Variants in NOS1 observed in about 807,000 individuals in gnomAD.
NOS1 encodes the protein nitric oxide synthase 1.
A neutral mutation model predicts 164.5 loss-of-function variants in NOS1; 51 were observed. That is an observed-to-expected ratio of 0.31 (90% CI 0.25 to 0.39). The LOEUF is 0.39. NOS1 is among the 10% of genes least tolerant of loss of function. The pLI, the probability that NOS1 is intolerant of heterozygous loss-of-function variation, is 1.00. For missense variants in NOS1, 1,362 were observed against 1,885.6 expected (o/e 0.72, Z 5.14); for synonymous variants, 719 against 745.8 (o/e 0.96, Z 0.59).
intron 22 of NOS1, among the ~76,000 whole-genome samples, chr12:117,228,682 G>C (rs988567111): frequency 6.6e-6 from 1 of 152,198 alleles, no homozygotes; most frequent in African/African-American, 2.4e-5. Flanking sequence ...AGAAGGCTCA[G>C]TTTCTGAGAC....
At chr12:117,259,871 G>A (rs1164945055) in intron 14 of NOS1, among the ~76,000 whole-genome samples, 2 of 152,098 alleles carry the variant, frequency 1.3e-5, no homozygotes, top group Admixed American at 1.3e-4. Context: ...TGTAATCCCA[G>A]CACTTTGGGA....
At chr12:117,283,112 G>A (rs539200579) in intron 7 of NOS1, among the ~76,000 whole-genome samples, 1 of 147,652 alleles carries the variant, frequency 6.8e-6, no homozygotes, top group Middle Eastern at 3.6e-3. Flanking sequence ...GGAGTGTGGA[G>A]TGCAGTGGTG....
rs1373795836 is a variant in NOS1, at chr12:117,212,021, G to A, written c.*3288C>T. On this transcript the variant is annotated 3_prime_UTR_variant, in exon 29 of 29. Coordinates refer to ENST00000317775, the MANE Select transcript of NOS1 (RefSeq NM_000620.5). ...GCAGAGGATGCAGTGAGCTGAGATCGTACCACTGTACGCCAGCCTGGGTGA... is the reference window on the plus strand; with the variant it reads ...GCAGAGGATGCAGTGAGCTGAGATCATACCACTGTACGCCAGCCTGGGTGA... 12 of 848,924 alleles carry A rather than the reference G, an allele frequency of 1.4e-5. No homozygotes were observed. The highest frequency in any genetic ancestry group is 1.1e-4 in the African/African-American group (6 of 54,520). 52.6% of individuals were successfully genotyped at this position (848,924 alleles called of 1,614,324 possible).
At position 117,330,641 on chromosome 12, in the gene NOS1, T is replaced by G; in HGVS notation, c.429A>C (p.Lys143Asn). 1 of 1,611,770 alleles carries G rather than the reference T, an allele frequency of 6.2e-7. No individual in the cohort carries two copies. Among genetic ancestry groups the G allele is most frequent in the Non-Finnish European group, 8.5e-7 (1 of 1,178,402 alleles). The part of the protein sequence containing the change: ...VDLSHQPPAG[K>N]EQPLAVDGAS... ...CCCCATCCACTGCCAGGGGCTGTTC[T>G]TTGCCGGCCGGTGGCTGGTGGGACA... Residue 143 changes from lysine to asparagine, a missense_variant, in exon 2 of 29, where the codon AAA (lysine) becomes AAC (asparagine). Lys to Asn is a moderately conservative substitution (Grantham distance 94). Transcript: ENST00000317775. This position sits in a 1 kb window ranked among gnomAD's most constrained non-coding sequence, Gnocchi z 4.6.
chr12:117,356,518 C>T lies in NOS1; in HGVS notation c.-421+4994G>A, dbSNP rs17509231. Reference sequence around the variant, plus strand: ...GGTACAGGGTTTGTCTGGTGCTCACCGCTTAGCCAGACTACAGGTTTCATT... The same window carrying T: ...GGTACAGGGTTTGTCTGGTGCTCACTGCTTAGCCAGACTACAGGTTTCATT... On this transcript the variant is annotated intron_variant, in intron 1 of 28. Transcript: ENST00000317775. This position sits in a 1 kb window ranked among gnomAD's most constrained non-coding sequence, Gnocchi z 4.2. 0.11 allele frequency among the ~76,000 whole-genome samples: 17,008 copies of T among 152,276 alleles called. 1,038 individuals carry two copies. Among genetic ancestry groups the T allele is most frequent in the Non-Finnish European group, 0.13 (9,167 of 68,006 alleles).
chr12:117,299,968 C>T (rs1030098349), intron 3 of NOS1, among the ~76,000 whole-genome samples: 5 of 152,232 alleles, frequency 3.3e-5, no homozygotes, highest in African/African-American at 7.2e-5. Context: ...GTAATTATCT[C>T]GTGGCCTGCC....
At chr12:117,351,267 G>A (rs1876605167) in intron 1 of NOS1, among the ~76,000 whole-genome samples, 1 of 152,110 alleles carries the variant, frequency 6.6e-6, no homozygotes, top group Non-Finnish European at 1.5e-5. Context: ...AGTCTGGCAG[G>A]GTCTGCATTC....
At chr12:117,215,635 GT>G (rs1433861358) in intron 28 of NOS1, among the ~76,000 whole-genome samples, 1 of 152,004 alleles carries the variant, frequency 6.6e-6, no homozygotes, top group Non-Finnish European at 1.5e-5. Flanking sequence ...GTTTCACCAT[GT>G]TGGCCAGGCT....
At chr12:117,349,950 C>G (rs138856115) in intron 1 of NOS1, among the ~76,000 whole-genome samples, 1 of 152,148 alleles carries the variant, frequency 6.6e-6, no homozygotes, top group African/African-American at 2.4e-5. Flanking sequence ...GTCTTGAACT[C>G]CTGAGCTCAA....
At chr12:117,218,797 G>C (rs1044911351) in intron 27 of NOS1, among the ~76,000 whole-genome samples, 1 of 152,080 alleles carries the variant, frequency 6.6e-6, no homozygotes, top group African/African-American at 2.4e-5. Flanking sequence ...CAAGCTATGG[G>C]AGCTCCTGTG....
At chr12:117,351,277 C>A (rs1876605799) in intron 1 of NOS1, among the ~76,000 whole-genome samples, 1 of 152,124 alleles carries the variant, frequency 6.6e-6, no homozygotes, top group Non-Finnish European at 1.5e-5. Context: ...GGTCTGCATT[C>A]CCTTCTGAGT....
chr12:117,251,917 G>T (rs941948222), intron 17 of NOS1, among the ~76,000 whole-genome samples: 1 of 151,844 alleles, frequency 6.6e-6, no homozygotes, highest in African/African-American at 2.4e-5. Flanking sequence ...ATTTTTGGTG[G>T]AAACAGGGTT....
Position 117,211,833 on chromosome 12 carries a change from G to A in NOS1, c.*3476C>T. The A allele has an allele frequency of 2.1e-6, 2 of 973,536 alleles. No individual in the cohort carries two copies. Among genetic ancestry groups the A allele is most frequent in the East Asian group, 1.1e-4 (1 of 8,772 alleles). 60.3% of individuals were successfully genotyped at this position (973,536 alleles called of 1,614,324 possible). Reference sequence around the variant, plus strand: ...GTAATCCAGCACTTTGGGAGGCTGAGGTGCGTGGATCATTTGAGGTCAGGA... The same window carrying A: ...GTAATCCAGCACTTTGGGAGGCTGAAGTGCGTGGATCATTTGAGGTCAGGA... On this transcript the variant is annotated 3_prime_UTR_variant, in exon 29 of 29. Transcript: ENST00000317775.
At chr12:117,337,489 G>A (rs1056294164) in intron 1 of NOS1, among the ~76,000 whole-genome samples, 14 of 152,042 alleles carry the variant, frequency 9.2e-5, no homozygotes, top group African/African-American at 3.1e-4. Flanking sequence ...ATTGCCATTG[G>A]GCAGCATGGG....
chr12:117,323,418 A>G (rs752580636), intron 2 of NOS1, among the ~76,000 whole-genome samples: 4 of 152,250 alleles, frequency 2.6e-5, no homozygotes, highest in Non-Finnish European at 5.9e-5. Flanking sequence ...GTGGCCAACA[A>G]TGCAATCCAG....
chr12:117,285,548 G>C (rs884846), intron 6 of NOS1, among the ~76,000 whole-genome samples: 125,116 of 150,826 alleles, frequency 0.83, 52,015 homozygotes, highest in African/African-American at 0.9. Context: ...AAAAAAAATC[G>C]CCTAAAAGTA....
chr12:117,221,130 T>TTTTATTTA (rs200373619), intron 26 of NOS1, among the ~76,000 whole-genome samples: 5,911 of 146,058 alleles, frequency 0.04, 234 homozygotes, highest in African/African-American at 0.094. Flanking sequence ...TTAAATTTAT[T>TTTTATTTA]TTTATTTATT....
intron 17 of NOS1, among the ~76,000 whole-genome samples, chr12:117,253,105 C>T (rs567933902): frequency 3.3e-5 from 5 of 152,236 alleles, no homozygotes; most frequent in East Asian, 1.9e-4. Context: ...TCTGACTGCA[C>T]GTTAGAGTCA....
chr12:117,310,005 C>A (rs536356541), intron 3 of NOS1, among the ~76,000 whole-genome samples: 295 of 152,312 alleles, frequency 1.9e-3, no homozygotes, highest in African/African-American at 6.8e-3. Context: ...CTTCCAGGCT[C>A]AGGTGATTCT....
Sources: allele counts gnomAD v4.1 joint callset (sites outside exome capture counted in the v4.1 genomes callset), GRCh38; gene constraint gnomAD v4.1.1; non-coding constraint Gnocchi (gnomAD v3.1); transcripts MANE v1.5; gene names NCBI Gene and HGNC (gene_info 2026-07-23, HGNC 2026-07-21).